The following COG5 variants were observed in gnomAD, a reference collection of about 807,000 sequenced individuals.
COG5 encodes the protein conserved oligomeric Golgi complex subunit 5.
In COG5, 86 loss-of-function variants were observed where a neutral mutation model predicts 110.4. The observed-to-expected ratio is 0.78, with a 90% confidence interval of 0.65 to 0.93. The LOEUF is 0.93. COG5 is among the 40% of genes least tolerant of loss of function. The pLI is 0.00. For synonymous variants in COG5, 360 were observed against 334.6 expected (o/e 1.08, Z -0.83); for missense variants, 1,077 against 987.0 (o/e 1.09, Z -1.22).
intron 7 of COG5, among the ~76,000 whole-genome samples, chr7:107,374,427 A>G (rs906127541): frequency 2.0e-5 from 3 of 152,114 alleles, no homozygotes; most frequent in African/African-American, 7.2e-5. Context: ...TATTGCCTTT[A>G]CTATTATCAG....
intron 6 of COG5, among the ~76,000 whole-genome samples, chr7:107,494,191 T>C (rs778467997): frequency 1.3e-5 from 2 of 152,168 alleles, no homozygotes; most frequent in African/African-American, 4.8e-5. Flanking sequence ...ATCAAAGTGA[T>C]TTAAATTTAC....
At chr7:107,477,545 T>C (rs980038326) in intron 6 of COG5, among the ~76,000 whole-genome samples, 1 of 151,826 alleles carries the variant, frequency 6.6e-6, no homozygotes, top group Non-Finnish European at 1.5e-5. Flanking sequence ...ATCATTTCTA[T>C]ACTTGACACT....
At chr7:107,243,279 C>T (rs544151526) in intron 17 of COG5, among the ~76,000 whole-genome samples, 8 of 151,890 alleles carry the variant, frequency 5.3e-5, no homozygotes, top group East Asian at 1.9e-4. Flanking sequence ...CTTGGGAGGC[C>T]GAGACGGGTG....
chr7:107,260,555 A>G (rs1287320978), intron 14 of COG5, among the ~76,000 whole-genome samples: 1 of 152,190 alleles, frequency 6.6e-6, no homozygotes, highest in Non-Finnish European at 1.5e-5. Flanking sequence ...TGTGAATTAT[A>G]TCTTAATAAA....
At chr7:107,405,981 C>A (rs1353835793) in intron 7 of COG5, among the ~76,000 whole-genome samples, 1 of 152,176 alleles carries the variant, frequency 6.6e-6, no homozygotes. Flanking sequence ...GCCTCCAGAA[C>A]TGTGAAAAAT....
intron 7 of COG5, among the ~76,000 whole-genome samples, chr7:107,393,235 A>G (rs1483729042): frequency 1.3e-5 from 2 of 152,100 alleles, no homozygotes; most frequent in East Asian, 3.9e-4. Flanking sequence ...TATTTTTTCA[A>G]TGTTCCAGGA....
At chr7:107,237,533 G>C (rs1338645340) in intron 17 of COG5, among the ~76,000 whole-genome samples, 2 of 152,182 alleles carry the variant, frequency 1.3e-5, no homozygotes, top group African/African-American at 4.8e-5. Context: ...GTCTATAGAA[G>C]AACAACAGAT....
intron 14 of COG5, among the ~76,000 whole-genome samples, chr7:107,259,037 T>G (rs1803108916): frequency 2.0e-5 from 3 of 152,104 alleles, no homozygotes; most frequent in Admixed American, 2.0e-4. Context: ...TATTAAAAAC[T>G]TTCTACACTT....
chr7:107,271,112 T>C (rs1442949918), intron 14 of COG5, among the ~76,000 whole-genome samples: 1 of 151,966 alleles, frequency 6.6e-6, no homozygotes, highest in East Asian at 1.9e-4. Flanking sequence ...CCAGGTGTGG[T>C]AACTCATGCC....
intron 10 of COG5, among the ~76,000 whole-genome samples, chr7:107,332,872 C>T (rs1275280535): frequency 6.6e-6 from 1 of 151,980 alleles, no homozygotes; most frequent in South Asian, 2.1e-4. Context: ...GAAGTTGATA[C>T]CGGAGAAAAC....
At chr7:107,457,168 C>T (rs1795713312) in intron 6 of COG5, among the ~76,000 whole-genome samples, 2 of 151,794 alleles carry the variant, frequency 1.3e-5, no homozygotes, top group South Asian at 2.1e-4. Context: ...TTTAAAGAAA[C>T]ACATGAATAG....
At chr7:107,497,857 A>G (rs568881735) in intron 6 of COG5, among the ~76,000 whole-genome samples, 1 of 152,314 alleles carries the variant, frequency 6.6e-6, no homozygotes, top group African/African-American at 2.4e-5. Context: ...AACAAATAAT[A>G]TAGCTGGTAT....
rs1474703753 is a variant in COG5, at chr7:107,203,058, TTTAAAAAAA to T, written c.*449_*457del. ...TGGAGTGCAAGTTGGGCATCAGGAT[TTTAAAAAAA>T]TCCCCTGGTGATTGGTATGAATGTG... On this transcript the variant is annotated 3_prime_UTR_variant, in exon 22 of 22. Transcript: ENST00000297135. 6.0e-6 allele frequency: 1 copy of T among 166,016 alleles called. No individual in the cohort carries two copies. The highest frequency in any genetic ancestry group is 1.3e-5 in the Non-Finnish European group (1 of 75,794). 10.3% of individuals were successfully genotyped at this position (166,016 alleles called of 1,614,324 possible). A position where few individuals can be genotyped will look rare whatever the true frequency, so the allele number is the denominator to read the frequency against.
At chr7:107,429,277 G>A (rs1302429286) in intron 6 of COG5, among the ~76,000 whole-genome samples, 1 of 152,128 alleles carries the variant, frequency 6.6e-6, no homozygotes, top group Non-Finnish European at 1.5e-5. Flanking sequence ...ACAGCTCAGA[G>A]GGAGTAGAAT....
At position 107,474,448 on chromosome 7, in the gene COG5, G is replaced by A; in HGVS notation, c.538+52789C>T. On this transcript the variant is annotated intron_variant, in intron 6 of 21. Transcript: ENST00000297135. The surrounding 1 kb of genome is among the most constrained non-coding windows in gnomAD (Gnocchi z 5.7). The stretch of plus-strand genomic sequence containing the variant: ...TGTATCTTTTGCAAGTGTCTCAACA[G>A]CAATCAACGTTTTTGCTATCACTTT... 6.2e-7 allele frequency: 1 copy of A among 1,613,294 alleles called. No homozygotes were observed. Among genetic ancestry groups the A allele is most frequent in the Non-Finnish European group, 8.5e-7 (1 of 1,179,538 alleles).
chr7:107,329,701 T>A (rs1279013068), intron 10 of COG5, among the ~76,000 whole-genome samples: 1 of 151,736 alleles, frequency 6.6e-6, no homozygotes, highest in Non-Finnish European at 1.5e-5. Context: ...AGACCATCCT[T>A]GGCAACAGCG....
At chr7:107,541,496 CAAAAAAAAA>C (rs869244428) in intron 5 of COG5, among the ~76,000 whole-genome samples, 110 of 31,930 alleles carry the variant, frequency 3.4e-3, no homozygotes, top group African/African-American at 0.017. Flanking sequence ...GACCCTGTCT[CAAAAAAAAA>C]AAAAAAAAAA....
Position 107,522,095 on chromosome 7 carries a change from G to A in COG5, c.538+5142C>T, listed in dbSNP as rs575559479. Among the ~76,000 whole-genome samples, 10 of 152,216 alleles carry A rather than the reference G, an allele frequency of 6.6e-5. No individual in the cohort carries two copies. The South Asian group carries it at 1.9e-3, about 28-fold the overall frequency. Reference sequence around the variant, plus strand: ...CGAGAACACTTGGACACAGGGAGGGGAACAACACACACCAGGGACTGTCAG... The same window carrying A: ...CGAGAACACTTGGACACAGGGAGGGAAACAACACACACCAGGGACTGTCAG... On this transcript the variant is annotated intron_variant, in intron 6 of 21. Transcript: ENST00000297135.
intron 10 of COG5, among the ~76,000 whole-genome samples, chr7:107,341,875 T>A (rs142263993): frequency 6.7e-4 from 102 of 152,284 alleles, no homozygotes; most frequent in African/African-American, 2.4e-3. Context: ...TATGCAAAAC[T>A]TAACTAAGGT....
Sources: gnomAD v4.1 joint callset for allele counts (sites outside exome capture counted in the v4.1 genomes callset) on GRCh38, gnomAD v4.1.1 for gene constraint, Gnocchi (gnomAD v3.1) non-coding constraint, MANE v1.5 for transcripts, NCBI Gene and HGNC (gene_info 2026-07-23, HGNC 2026-07-21) for gene names.